The following CYP27A1 variants were observed in gnomAD, a reference collection of about 807,000 sequenced individuals.
The protein encoded by CYP27A1 is sterol 26-hydroxylase, mitochondrial.
A neutral mutation model predicts 58.2 loss-of-function variants in CYP27A1; 46 were observed. The observed-to-expected ratio is 0.79, with a 90% confidence interval of 0.62 to 1.01. The LOEUF is 1.01. CYP27A1 is among the 50% of genes least tolerant of loss of function. The pLI is 0.00. For synonymous variants in CYP27A1, 274 were observed against 285.1 expected (o/e 0.96, Z 0.39); for missense variants, 704 against 687.0 (o/e 1.02, Z -0.28).
Position 218,814,073 on chromosome 2 carries a change from T to G in CYP27A1, c.1070T>G (p.Ile357Ser). The change falls in exon 6 of 9, where the codon ATC (isoleucine) becomes AGC (serine). Residue 357 changes from isoleucine (I) to serine (S), a missense_variant. Transcript: ENST00000258415. ...TACCACCTCTCAAAGGACCCTGAGA[T>G]CCAGGAGGCCTTGCACGAGGAAGTG... is the stretch of plus-strand genomic sequence containing the variant. ...ALYHLSKDPE[I>S]QEALHEEVVG... The G allele has an allele frequency of 3.1e-6, 5 of 1,614,220 alleles. No individual in the cohort carries two copies. The highest frequency in any genetic ancestry group is 4.2e-6 in the Non-Finnish European group (5 of 1,180,030).
At chr2:218,797,754 T>A (rs1943560695) in intron 1 of CYP27A1, among the ~76,000 whole-genome samples, 1 of 152,234 alleles carries the variant, frequency 6.6e-6, no homozygotes, top group South Asian at 2.1e-4. Flanking sequence ...AAAAGCCTTT[T>A]ATAACCCTTC....
In CYP27A1 at chr2:218,792,340, A is replaced by G. The variant is rs555854334; in HGVS notation, c.255+9903A>G. Among the ~76,000 whole-genome samples the G allele has an allele frequency of 5.3e-5, 8 of 152,234 alleles. No individual in the cohort carries two copies. In the South Asian group the frequency reaches 1.4e-3, roughly 28 times the overall value. ...TTCATTCAAACTGTATATCTAAACA[A>G]TTTCAGTACTGGATGATTTAGCATG... is the stretch of plus-strand genomic sequence containing the variant. On this transcript the variant is annotated intron_variant, in intron 1 of 8. Transcript: ENST00000258415.
chr2:218,786,369 C>G (rs1181570422), intron 1 of CYP27A1, among the ~76,000 whole-genome samples: 1 of 152,214 alleles, frequency 6.6e-6, no homozygotes, highest in African/African-American at 2.4e-5. Flanking sequence ...GATGTAGGAA[C>G]AGCCAACCAC....
chr2:218,812,841 C>T, intron 4 of CYP27A1, 83 bp from the exon 5 acceptor site: 1 of 1,605,220 alleles, frequency 6.2e-7, no homozygotes, highest in Non-Finnish European at 8.5e-7. Flanking sequence ...TTCCCTCATG[C>T]TACCAGTTGT....
At chr2:218,801,880 G>A (rs561312385) in intron 1 of CYP27A1, among the ~76,000 whole-genome samples, 1 of 152,106 alleles carries the variant, frequency 6.6e-6, no homozygotes, top group Admixed American at 6.5e-5. Flanking sequence ...GGTGCACAAG[G>A]CAGGTGCCTG....
In CYP27A1 at chr2:218,814,796, G is replaced by T. The variant is rs933888044; in HGVS notation, c.1476+39G>T. Reference sequence around the variant, plus strand: ...GGCTAGTAGGGTGTGTGGGCAGGGAGGGGTGGAGGAGTCCTGGGAGGAGAG... The same window carrying T: ...GGCTAGTAGGGTGTGTGGGCAGGGATGGGTGGAGGAGTCCTGGGAGGAGAG... On this transcript the variant is annotated intron_variant, in intron 8 of 8. Coordinates refer to ENST00000258415, the MANE Select transcript of CYP27A1 (RefSeq NM_000784.4). 2.5e-6 allele frequency: 4 copies of T among 1,613,404 alleles called. No individual in the cohort carries two copies. The South Asian group carries it at 4.4e-5, about 18-fold the overall frequency.
chr2:218,790,823 G>A (rs1023238129), intron 1 of CYP27A1, among the ~76,000 whole-genome samples: 4 of 151,596 alleles, frequency 2.6e-5, no homozygotes, highest in East Asian at 1.9e-4. Flanking sequence ...TCAGCCTCCC[G>A]AGTAGCTGGG....
chr2:218,796,893 A>G (rs949807830), intron 1 of CYP27A1, among the ~76,000 whole-genome samples: 1 of 152,216 alleles, frequency 6.6e-6, no homozygotes. Context: ...CCAATGTCGC[A>G]ATATCCAAAG....
At chr2:218,805,934 C>G (rs1015677152) in intron 1 of CYP27A1, 1 of 152,202 alleles carries the variant, frequency 6.6e-6, no homozygotes, top group African/African-American at 2.4e-5. Context: ...GAAGGCATGG[C>G]TTAGCTAAAA....
chr2:218,812,117 C>T, intron 2 of CYP27A1, 105 bp from the exon 3 acceptor site: 1 of 835,766 alleles, frequency 1.2e-6, no homozygotes, highest in Non-Finnish European at 2.0e-6. Flanking sequence ...TGGGATTTCC[C>T]TTGACTCTGG....
In CYP27A1 at chr2:218,813,100, C is replaced by A; in HGVS notation, c.1017+4C>A. On this transcript the variant is annotated splice_donor_region_variant and intron_variant, in intron 5 of 8. Transcript: ENST00000258415. The stretch of plus-strand genomic sequence containing the variant: ...GCTCATGGCTGGAGTGGACACGGTG[C>A]GTGAAGGGGGAGGGTGAGACCAGGG... The A allele has an allele frequency of 6.2e-7, 1 of 1,606,996 alleles. No individual in the cohort carries two copies. Among genetic ancestry groups the A allele is most frequent in the Non-Finnish European group, 8.5e-7 (1 of 1,175,458 alleles).
chr2:218,788,950 C>T (rs914453474), intron 1 of CYP27A1, among the ~76,000 whole-genome samples: 4 of 152,152 alleles, frequency 2.6e-5, no homozygotes, highest in African/African-American at 9.7e-5. Flanking sequence ...TAAAGTTGTC[C>T]TTGAGGATGT....
chr2:218,797,996 A>T (rs1943562387), intron 1 of CYP27A1, among the ~76,000 whole-genome samples: 1 of 152,108 alleles, frequency 6.6e-6, no homozygotes. Flanking sequence ...TTACATTTTC[A>T]TGCCTTCTTA....
At chr2:218,804,025 G>A (rs1022981026) in intron 1 of CYP27A1, among the ~76,000 whole-genome samples, 2 of 151,934 alleles carry the variant, frequency 1.3e-5, no homozygotes, top group Non-Finnish European at 2.9e-5. Context: ...GAGCCACCAT[G>A]CCTGGCCAAA....
In CYP27A1 at chr2:218,782,249, C is replaced by G. The variant is rs1255948354; in HGVS notation, c.67C>G (p.His23Asp). The change falls in exon 1 of 9, where the codon CAC (histidine) becomes GAC (aspartate). Residue 23 changes from histidine to aspartate, a missense_variant. Transcript: ENST00000258415. This position sits in a 1 kb window ranked among gnomAD's most constrained non-coding sequence, Gnocchi z 4.1. ...LRGAGRGLCP[H>D]GARAKAAIPA... ...AGGGGCCGGCCGTGGCCTCTGCCCC[C>G]ACGGGGCCAGAGCCAAGGCCGCGAT... 2 of 1,553,060 alleles carry G rather than the reference C, an allele frequency of 1.3e-6. No homozygotes were observed. Among genetic ancestry groups the G allele is most frequent in the Admixed American group, 1.9e-5 (1 of 51,756 alleles).
chr2:218,793,178 T>C (rs550956295), intron 1 of CYP27A1, among the ~76,000 whole-genome samples: 43 of 152,198 alleles, frequency 2.8e-4, no homozygotes, highest in African/African-American at 8.9e-4. Context: ...TGGGTTCAAG[T>C]GATTCTCCTG....
chr2:218,784,894 T>C (rs1361765577), intron 1 of CYP27A1, among the ~76,000 whole-genome samples: 3 of 152,228 alleles, frequency 2.0e-5, no homozygotes, highest in African/African-American at 7.2e-5. Context: ...CCAGATCCTT[T>C]AAGCCAGTGG....
At chr2:218,796,518 C>T (rs1463699732) in intron 1 of CYP27A1, among the ~76,000 whole-genome samples, 3 of 151,718 alleles carry the variant, frequency 2.0e-5, no homozygotes, top group African/African-American at 7.3e-5. Flanking sequence ...CACTTGAACC[C>T]GGGAGGCAGA....
chr2:218,813,820 G>A (rs929350123), intron 5 of CYP27A1, among the ~76,000 whole-genome samples: 65 of 152,160 alleles, frequency 4.3e-4, no homozygotes, highest in African/African-American at 1.1e-3. Flanking sequence ...CTGAAGGTGC[G>A]ATTCTTCATC....
Sources: gnomAD v4.1 joint callset for allele counts (sites outside exome capture counted in the v4.1 genomes callset) on GRCh38, gnomAD v4.1.1 for gene constraint, Gnocchi (gnomAD v3.1) non-coding constraint, MANE v1.5 for transcripts, NCBI Gene and HGNC (gene_info 2026-07-23, HGNC 2026-07-21) for gene names.